Variants in SKAP1 observed in about 807,000 individuals in gnomAD.
The protein encoded by SKAP1 is src kinase-associated phosphoprotein 1.
A neutral mutation model predicts 58.5 loss-of-function variants in SKAP1; 44 were observed. The ratio of observed to expected loss-of-function variants is 0.75; its 90% CI spans 0.59 to 0.97. The LOEUF is 0.97. Ranked by LOEUF, SKAP1 falls within the 50% of genes least tolerant of loss-of-function variation. The probability of loss-of-function intolerance (pLI) is 0.00; values close to 1 mark genes in which losing one functional copy is unlikely to be tolerated. For synonymous variants in SKAP1, 127 were observed against 149.7 expected, an observed-to-expected ratio of 0.85 and a Z score of 1.11; for missense variants, 390 against 435.2, an observed-to-expected ratio of 0.90 and a Z score of 0.92.
At chr17:48,184,974 G>A in intron 6 of SKAP1, 127 bp from the exon 7 acceptor site, 2 of 891,136 alleles carry the variant, frequency 2.2e-6, no homozygotes, top group Non-Finnish European at 3.4e-6. Context: ...CAATAGTCAA[G>A]GAAAGGTTAT....
intron 4 of SKAP1, among the ~76,000 whole-genome samples, chr17:48,265,687 TC>T (rs1262724785): frequency 6.6e-6 from 1 of 152,192 alleles, no homozygotes; most frequent in Non-Finnish European, 1.5e-5. Context: ...TGTGAATAAC[TC>T]AGAACACCAC....
chr17:48,280,923 T>C (rs578032465), intron 4 of SKAP1, among the ~76,000 whole-genome samples: 1 of 152,372 alleles, frequency 6.6e-6, no homozygotes, highest in East Asian at 1.9e-4. Flanking sequence ...TGGGTTCTTT[T>C]CAGTTTCAGT....
chr17:48,421,940 C>A (rs370010641), intron 1 of SKAP1, among the ~76,000 whole-genome samples: 1 of 151,998 alleles, frequency 6.6e-6, no homozygotes, highest in African/African-American at 2.4e-5. Context: ...GGGCTGGGAG[C>A]GGTGGCTCAC....
chr17:48,215,145 C>T lies in SKAP1; in HGVS notation c.281-25645G>A, dbSNP rs190988058. Among the ~76,000 whole-genome samples, 29 of 152,012 alleles carry T rather than the reference C, an allele frequency of 1.9e-4. No homozygotes were observed. In the East Asian group the frequency reaches 3.5e-3, roughly 18 times the overall value. On this transcript the variant is annotated intron_variant, in intron 4 of 12. Coordinates refer to ENST00000336915, the MANE Select transcript of SKAP1 (RefSeq NM_003726.4). ...GAACCACCATACTAACTGTAATGTT[C>T]CTACAGTACTGTTTTTATATCATAA...
chr17:48,222,160 A>G (rs2065013627), intron 4 of SKAP1, among the ~76,000 whole-genome samples: 1 of 152,214 alleles, frequency 6.6e-6, no homozygotes. Flanking sequence ...AAGTAGAGGG[A>G]ACCACAAAGA....
chr17:48,431,439 G>A (rs1468631663), upstream of SKAP1, among the ~76,000 whole-genome samples: 2 of 152,232 alleles, frequency 1.3e-5, no homozygotes, highest in African/African-American at 2.4e-5. Flanking sequence ...CAGGTGGAAG[G>A]ACCAGAGTAA....
intron 4 of SKAP1, among the ~76,000 whole-genome samples, chr17:48,227,270 C>T (rs984522440): frequency 1.3e-5 from 2 of 152,170 alleles, no homozygotes; most frequent in Admixed American, 6.5e-5. Context: ...TATTCTTGTT[C>T]TGTGCGCTAG....
At chr17:48,360,550 A>G (rs2066922450) in intron 3 of SKAP1, among the ~76,000 whole-genome samples, 2 of 152,154 alleles carry the variant, frequency 1.3e-5, no homozygotes, top group East Asian at 3.8e-4. Flanking sequence ...ATTAAGTAGA[A>G]ATTTTTTTTG....
At chr17:48,424,052 A>T (rs961868941) in intron 1 of SKAP1, among the ~76,000 whole-genome samples, 3 of 152,158 alleles carry the variant, frequency 2.0e-5, no homozygotes, top group African/African-American at 7.2e-5. Context: ...AAATACTACA[A>T]ACTAGGTAGC....
chr17:48,340,584 A>C (rs1472005969), intron 4 of SKAP1, among the ~76,000 whole-genome samples: 3 of 152,210 alleles, frequency 2.0e-5, no homozygotes, highest in Non-Finnish European at 4.4e-5. Flanking sequence ...CAAAGTCCAA[A>C]GAATCAAAAT....
At chr17:48,245,704 G>A (rs970576276) in intron 4 of SKAP1, among the ~76,000 whole-genome samples, 4 of 152,238 alleles carry the variant, frequency 2.6e-5, no homozygotes, top group African/African-American at 7.2e-5. Context: ...GGCCGGGTGC[G>A]GTGGCTCACA....
intron 12 of SKAP1, among the ~76,000 whole-genome samples, chr17:48,134,174 G>GT (rs1001159070): frequency 2.0e-5 from 3 of 151,956 alleles, no homozygotes; most frequent in African/African-American, 7.3e-5. Context: ...TATTTGACTA[G>GT]TTCTCTGTTA....
intron 1 of SKAP1, among the ~76,000 whole-genome samples, chr17:48,400,823 A>G (rs2067490667): frequency 6.6e-6 from 1 of 152,206 alleles, no homozygotes; most frequent in African/African-American, 2.4e-5. Flanking sequence ...ACGAATAAAT[A>G]GAACATATTC....
chr17:48,399,570 A>G (rs1332766034), intron 1 of SKAP1, among the ~76,000 whole-genome samples: 1 of 152,134 alleles, frequency 6.6e-6, no homozygotes, highest in Non-Finnish European at 1.5e-5. Context: ...AGACTAGCCT[A>G]GATGATATAG....
chr17:48,215,524 A>G (rs757033447), intron 4 of SKAP1, among the ~76,000 whole-genome samples: 4 of 152,228 alleles, frequency 2.6e-5, no homozygotes, highest in Admixed American at 1.3e-4. Flanking sequence ...TGGGCTTTTT[A>G]AAAAGGTATG....
intron 1 of SKAP1, among the ~76,000 whole-genome samples, chr17:48,414,501 T>C (rs796684017): frequency 2.0e-5 from 3 of 152,166 alleles, no homozygotes; most frequent in East Asian, 3.8e-4. Flanking sequence ...TGTAGCAATA[T>C]ACAGTATTTT....
intron 7 of SKAP1, among the ~76,000 whole-genome samples, chr17:48,184,191 G>T (rs1407364369): frequency 1.3e-5 from 2 of 152,128 alleles, no homozygotes; most frequent in Admixed American, 6.5e-5. Context: ...AGGTCCTCTA[G>T]TCCTTCAATT....
intron 4 of SKAP1, among the ~76,000 whole-genome samples, chr17:48,332,584 A>G (rs903153331): frequency 6.6e-6 from 1 of 152,140 alleles, no homozygotes; most frequent in Non-Finnish European, 1.5e-5. Flanking sequence ...AGGCCAGTAA[A>G]ACTTGCCAGC....
chr17:48,259,782 C>A (rs2065466064), intron 4 of SKAP1, among the ~76,000 whole-genome samples: 1 of 152,124 alleles, frequency 6.6e-6, no homozygotes, highest in Non-Finnish European at 1.5e-5. Flanking sequence ...TGAGGAGAAT[C>A]CACAATGCCA....
Sources: gnomAD v4.1 joint callset for allele counts (sites outside exome capture counted in the v4.1 genomes callset) on GRCh38, gnomAD v4.1.1 for gene constraint, MANE v1.5 for transcripts, NCBI Gene and HGNC (gene_info 2026-07-23, HGNC 2026-07-21) for gene names.